The following CARMIL2 variants were observed in gnomAD, a reference collection of about 807,000 sequenced individuals.
The protein encoded by CARMIL2 is capping protein, Arp2/3 and myosin-I linker protein 2.
A neutral mutation model predicts 173.3 loss-of-function variants in CARMIL2; 96 were observed. The ratio of observed to expected loss-of-function variants is 0.55; its 90% CI spans 0.47 to 0.66. The LOEUF (loss-of-function observed/expected upper bound fraction) is 0.66, where lower values mean the gene tolerates loss of function less well. CARMIL2 is among the 30% of genes least tolerant of loss of function. CARMIL2 has a pLI of 0.00. For missense variants in CARMIL2, 1,771 were observed against 1,906.7 expected (o/e 0.93, Z 1.33); for synonymous variants, 830 against 817.1 (o/e 1.02, Z -0.27).
chr16:67,648,325 C>G lies in CARMIL2; in HGVS notation c.1334+11C>G. On this transcript the variant is annotated intron_variant, in intron 14 of 37. Coordinates refer to ENST00000334583, the MANE Select transcript of CARMIL2 (RefSeq NM_001013838.3). This position sits in a 1 kb window ranked among gnomAD's most constrained non-coding sequence, Gnocchi z 6.1. ...CGTCTTCTCCCGCACGTAAGGGGGA[C>G]CTGTCGGGGCCGGGGGAGGCTGCTG... 6.3e-7 allele frequency: 1 copy of G among 1,579,734 alleles called. No individual in the cohort carries two copies. Among genetic ancestry groups the G allele is most frequent in the Non-Finnish European group, 8.5e-7 (1 of 1,171,084 alleles).
In CARMIL2 at chr16:67,647,780, G is replaced by A. The variant is rs776040330; in HGVS notation, c.958+14G>A. 2.1e-6 allele frequency: 3 copies of A among 1,439,748 alleles called. No individual in the cohort carries two copies. Among genetic ancestry groups the A allele is most frequent in the East Asian group, 2.5e-5 (1 of 40,628 alleles). 89.2% of individuals were successfully genotyped at this position (1,439,748 alleles called of 1,614,324 possible). A position where few individuals can be genotyped will look rare whatever the true frequency, so the allele number is the denominator to read the frequency against. On this transcript the variant is annotated intron_variant, in intron 12 of 37. Transcript: ENST00000334583. Reference sequence around the variant, plus strand: ...TGACACCGCGAGGTAGGCTGGATGAGGGAGGGGGTGAGGGGAGGGGGGTGG... The same window carrying A: ...TGACACCGCGAGGTAGGCTGGATGAAGGAGGGGGTGAGGGGAGGGGGGTGG...
Position 67,648,848 on chromosome 16 carries a change from G to A in CARMIL2, c.1510-45G>A, listed in dbSNP as rs1410862672. 3 of 1,577,294 alleles carry A rather than the reference G, an allele frequency of 1.9e-6. No individual in the cohort carries two copies. The highest frequency in any genetic ancestry group is 1.8e-5 in the Admixed American group (1 of 54,270). ...GGGCCGCCTGCCCCTCCCCACTCGCGGCCTAAGTGGGTCCCACTTCCCACC... is the reference window on the plus strand; with the variant it reads ...GGGCCGCCTGCCCCTCCCCACTCGCAGCCTAAGTGGGTCCCACTTCCCACC... On this transcript the variant is annotated intron_variant, in intron 16 of 37. Coordinates refer to ENST00000334583, the MANE Select transcript of CARMIL2 (RefSeq NM_001013838.3). This position sits in a 1 kb window ranked among gnomAD's most constrained non-coding sequence, Gnocchi z 6.1.
rs752766653 is a variant in CARMIL2, at chr16:67,649,812, G to C, written c.1926G>C (p.Val642=). 6.2e-7 allele frequency: 1 copy of C among 1,611,412 alleles called. No individual in the cohort carries two copies. Among genetic ancestry groups the C allele is most frequent in the Non-Finnish European group, 8.5e-7 (1 of 1,178,916 alleles). ...ALRVNSRLRS[V]VWDRNHTSAL... ...GAAGCCAGGCCCGGCCCAGGTCTGT[G>C]GTCTGGGACCGGAACCACACATCTG... The change falls in exon 21 of 38, where the codon GTG becomes GTC. Residue 642 remains valine (V), a synonymous_variant. Transcript: ENST00000334583. The surrounding 1 kb of genome is among the most constrained non-coding windows in gnomAD (Gnocchi z 6.7).
In CARMIL2 at chr16:67,654,142, C is replaced by A. The variant is rs1205185731; in HGVS notation, c.3121-7C>A. ...ACCCTGACCCCTGACCCCATGATGC[C>A]CCCCAGGTACCCCCAGCCTTGCCGC... On this transcript the variant is annotated splice_region_variant and splice_polypyrimidine_tract_variant and intron_variant, in intron 29 of 37. Coordinates refer to ENST00000334583, the MANE Select transcript of CARMIL2 (RefSeq NM_001013838.3). 1 of 1,544,644 alleles carries A rather than the reference C, an allele frequency of 6.5e-7. No individual in the cohort carries two copies. Among genetic ancestry groups the A allele is most frequent in the South Asian group, 1.2e-5 (1 of 83,900 alleles).
At position 67,647,365 on chromosome 16, in the gene CARMIL2, C is replaced by T; in HGVS notation, c.754C>T (p.Leu252=). ...GTCATCACACCTGGAGGAGCTGGTG[C>T]TGGAGACCTGCAGCCTGAGGGGGTG... ...SQSSHLEELV[L]ETCSLRGDFV... is the part of the protein sequence containing the mutation. Residue 252 remains leucine, a synonymous_variant, in exon 10 of 38, where the codon CTG becomes TTG. Transcript: ENST00000334583. 6.3e-7 allele frequency: 1 copy of T among 1,581,322 alleles called. No homozygotes were observed. Among genetic ancestry groups the T allele is most frequent in the South Asian group, 1.1e-5 (1 of 87,074 alleles).
At chr16:67,655,753 T>A (rs2052834328) in intron 32 of CARMIL2, among the ~76,000 whole-genome samples, 1 of 152,178 alleles carries the variant, frequency 6.6e-6, no homozygotes, top group East Asian at 1.9e-4. Flanking sequence ...CCTGCTAATG[T>A]CTCTCTCATT....
At position 67,656,518 on chromosome 16, in the gene CARMIL2, T is replaced by C. The variant is rs1364573940; in HGVS notation, c.3909T>C (p.Arg1303=). 2 of 1,613,416 alleles carry C rather than the reference T, an allele frequency of 1.2e-6. No individual in the cohort carries two copies. Among genetic ancestry groups the C allele is most frequent in the African/African-American group, 2.7e-5 (2 of 74,900 alleles). ...GQQLNAELRS[R]GWGQQDGPGP... ...AGTTGAATGCGGAGCTCAGGAGCCGTGGTTGGGGCCAACAGGATGGTCCAG... is the reference window on the plus strand; with the variant it reads ...AGTTGAATGCGGAGCTCAGGAGCCGCGGTTGGGGCCAACAGGATGGTCCAG... Residue 1303 remains arginine, a synonymous_variant, in exon 35 of 38, where the codon CGT becomes CGC. Coordinates refer to ENST00000334583, the MANE Select transcript of CARMIL2 (RefSeq NM_001013838.3).
At position 67,647,978 on chromosome 16, in the gene CARMIL2, G is replaced by A; in HGVS notation, c.1071+20G>A. Reference sequence around the variant, plus strand: ...AGTGGGGTGAGTGGCTGTCTTCAGGGTGGGAGCTTGGGGTTGCTCATAAGC... The same window carrying A: ...AGTGGGGTGAGTGGCTGTCTTCAGGATGGGAGCTTGGGGTTGCTCATAAGC... On this transcript the variant is annotated intron_variant, in intron 13 of 37. Transcript: ENST00000334583. 1 of 1,604,902 alleles carries A rather than the reference G, an allele frequency of 6.2e-7. No homozygotes were observed. Among genetic ancestry groups the A allele is most frequent in the South Asian group, 1.1e-5 (1 of 89,254 alleles).
At chr16:67,655,537 A>G (rs2052826164) in intron 32 of CARMIL2, among the ~76,000 whole-genome samples, 1 of 152,222 alleles carries the variant, frequency 6.6e-6, no homozygotes, top group African/African-American at 2.4e-5. Context: ...CCTGCTTCAG[A>G]GCCCTGTGGG....
rs749504681 is a variant in CARMIL2 at position 67,654,793 on chromosome 16, C to T, written c.3598C>T (p.Arg1200Trp). The T allele has an allele frequency of 7.4e-6, 12 of 1,613,136 alleles. No individual in the cohort carries two copies. The highest frequency in any genetic ancestry group is 2.2e-5 in the East Asian group (1 of 44,902). The change falls in exon 32 of 38, where the codon CGG becomes TGG. Residue 1200 changes from arginine (R) to tryptophan (W), a missense_variant. Transcript: ENST00000334583. ...ARPDKRRPLE[R>W]GETELAPSFE... ...CTGTCCCTAGCGGCGGCCCCTGGAG[C>T]GGGGAGAAACAGAACTGGCTCCATC... is the stretch of plus-strand genomic sequence containing the variant.
rs564549930 is a variant in CARMIL2, at chr16:67,647,675, C to G, written c.872-5C>G. 1.7e-5 allele frequency: 27 copies of G among 1,600,316 alleles called. No homozygotes were observed. In the East Asian group the frequency reaches 3.2e-4, roughly 19 times the overall value. On this transcript the variant is annotated splice_region_variant and splice_polypyrimidine_tract_variant and intron_variant, in intron 11 of 37. Transcript: ENST00000334583. Reference sequence around the variant, plus strand: ...AGACCCACGTGGCTGTTCCCACCCCCCAAGGCATGACTGCACTCAGCAGAC... The same window carrying G: ...AGACCCACGTGGCTGTTCCCACCCCGCAAGGCATGACTGCACTCAGCAGAC...
At position 67,645,229 on chromosome 16, in the gene CARMIL2, C is replaced by T. The variant is rs199972019; in HGVS notation, c.-18C>T. On this transcript the variant is annotated 5_prime_UTR_variant, in exon 1 of 38. Transcript: ENST00000334583. Reference sequence around the variant, plus strand: ...TTTCCCGCCGGAGCTCGTTGGGCCTCCCCGGCCCGCCCGGCCCATGGCCCA... The same window carrying T: ...TTTCCCGCCGGAGCTCGTTGGGCCTTCCCGGCCCGCCCGGCCCATGGCCCA... The T allele has an allele frequency of 5.0e-4, 788 of 1,575,436 alleles. 1 individual carries two copies. Among genetic ancestry groups the T allele is most frequent in the African/African-American group, 3.1e-3 (232 of 74,298 alleles).
intron 30 of CARMIL2, 33 bp from the exon 31 acceptor site, chr16:67,654,299 G>T: frequency 6.3e-7 from 1 of 1,580,732 alleles, no homozygotes; most frequent in East Asian, 2.3e-5. Context: ...ATGCCTGATG[G>T]GCTTTCTCGC....
chr16:67,650,001 G>C (rs755322128), intron 21 of CARMIL2, 33 bp downstream of exon 21: 36 of 1,613,436 alleles, frequency 2.2e-5, no homozygotes, highest in Non-Finnish European at 2.8e-5. Context: ...GCCCTTCTCT[G>C]CACGGTAACT....
rs375478087 is a variant in CARMIL2 at position 67,648,008 on chromosome 16, G to C, written c.1072-44G>C. 2 of 1,607,790 alleles carry C rather than the reference G, an allele frequency of 1.2e-6. No individual in the cohort carries two copies. On this transcript the variant is annotated intron_variant, in intron 13 of 37. Coordinates refer to ENST00000334583, the MANE Select transcript of CARMIL2 (RefSeq NM_001013838.3). The surrounding 1 kb of genome is among the most constrained non-coding windows in gnomAD (Gnocchi z 6.1). ...AGCTTGGGGTTGCTCATAAGCCCTG[G>C]GTAGGCGATCCCCCACTCCATCGCA...
chr16:67,654,471 C>A lies in CARMIL2; in HGVS notation c.3361C>A (p.Pro1121Thr). Residue 1121 changes from proline (P) to threonine (T), a missense_variant, in exon 31 of 38, where the codon CCT becomes ACT. Pro to Thr is a conservative substitution (Grantham distance 38). Transcript: ENST00000334583. Reference protein sequence around the residue: ...RGPRTDLETSPGAAPRTRKTT... With the variant: ...RGPRTDLETSTGAAPRTRKTT... ...TCCACGGACTGATCTAGAGACCAGC[C>A]CTGGGGCAGCTCCCCGAACCCGAAA... 1.2e-6 allele frequency: 2 copies of A among 1,613,022 alleles called. No homozygotes were observed. The highest frequency in any genetic ancestry group is 1.7e-6 in the Non-Finnish European group (2 of 1,179,692).
At position 67,648,312 on chromosome 16, in the gene CARMIL2, C is replaced by T; in HGVS notation, c.1332C>T (p.Arg444=). 1.9e-6 allele frequency: 3 copies of T among 1,587,742 alleles called. No individual in the cohort carries two copies. The highest frequency in any genetic ancestry group is 2.6e-6 in the Non-Finnish European group (3 of 1,174,732). ...ACGCTTCGAGGAACGTCTTCTCCCG[C>T]ACGTAAGGGGGACCTGTCGGGGCCG... ...HLDASRNVFS[R]TKSRAAPAAL... The change falls in exon 14 of 38, where the codon CGC becomes CGT. Residue 444 remains arginine (R), a splice_region_variant and synonymous_variant. Transcript: ENST00000334583. This position sits in a 1 kb window ranked among gnomAD's most constrained non-coding sequence, Gnocchi z 6.1.
intron 3 of CARMIL2, 54 bp downstream of exon 3, chr16:67,645,831 G>A (rs1365351628): frequency 1.3e-6 from 2 of 1,595,952 alleles, no homozygotes; most frequent in East Asian, 4.5e-5. Context: ...CCTTGGCAGG[G>A]GGCTGCATCT....
rs1048206713 is a variant in CARMIL2 at position 67,656,631 on chromosome 16, G to A, written c.4022G>A (p.Gly1341Asp). 5 of 1,590,716 alleles carry A rather than the reference G, an allele frequency of 3.1e-6. No individual in the cohort carries two copies. The highest frequency in any genetic ancestry group is 4.3e-6 in the Non-Finnish European group (5 of 1,169,282). ...GGCCTCCCAGAGGACCCTTGCTTGG[G>A]CCCCAGAAATGAAGGTAGGCAGGCA... ...SLGLPEDPCLGPRNEDGQLRP... is the reference protein window; with the variant it reads ...SLGLPEDPCLDPRNEDGQLRP... Residue 1341 changes from glycine (G) to aspartate (D), a missense_variant, in exon 35 of 38, where the codon GGC (glycine) becomes GAC (aspartate). By Grantham distance (94) the Gly-to-Asp change is moderately conservative. Coordinates refer to ENST00000334583, the MANE Select transcript of CARMIL2 (RefSeq NM_001013838.3).
Sources: allele counts gnomAD v4.1 joint callset (sites outside exome capture counted in the v4.1 genomes callset), GRCh38; gene constraint gnomAD v4.1.1; non-coding constraint Gnocchi (gnomAD v3.1); transcripts MANE v1.5; gene names NCBI Gene and HGNC (gene_info 2026-07-23, HGNC 2026-07-21).